ITGAD: variants seen among roughly 807,000 people sequenced by gnomAD.
ITGAD encodes the protein integrin alpha-D.
ITGAD carries 105 observed loss-of-function variants against 139.0 expected under a neutral mutation model. The observed-to-expected ratio is 0.76, with a 90% CI of 0.65 to 0.89. ITGAD has a LOEUF of 0.89. ITGAD is among the 40% of genes least tolerant of loss of function. ITGAD has a pLI of 0.00. For synonymous variants in ITGAD, 569 were observed against 598.3 expected (o/e 0.95, Z 0.71); for missense variants, 1,384 against 1,487.3 (o/e 0.93, Z 1.14).
chr16:31,417,018 C>A (rs1288270694), intron 20 of ITGAD, among the ~76,000 whole-genome samples: 1 of 103,292 alleles, frequency 9.7e-6, no homozygotes, highest in African/African-American at 3.7e-5. Flanking sequence ...CCCCTCCCTC[C>A]CTCCCTTACT....
intron 14 of ITGAD, among the ~76,000 whole-genome samples, chr16:31,411,826 C>T (rs187205277): frequency 3.3e-4 from 50 of 152,312 alleles, no homozygotes; most frequent in Admixed American, 6.5e-4. Flanking sequence ...TTCTATAAAA[C>T]GCAGAAATGA....
At position 31,426,139 on chromosome 16, in the gene ITGAD, T is replaced by C. The variant is rs2082111708; in HGVS notation, c.*11T>C. On this transcript the variant is annotated 3_prime_UTR_variant, in exon 30 of 30. Transcript: ENST00000389202. ...GTGCCTTTGTCCTAATAATCCACTT[T>C]CCTGTTTATCTCTACCACTGTGGGC... 6.5e-7 allele frequency: 1 copy of C among 1,539,896 alleles called. No homozygotes were observed. Among genetic ancestry groups the C allele is most frequent in the Non-Finnish European group, 9.0e-7 (1 of 1,113,790 alleles).
intron 23 of ITGAD, among the ~76,000 whole-genome samples, chr16:31,419,725 C>A (rs948507379): frequency 2.0e-5 from 3 of 148,694 alleles, no homozygotes; most frequent in Non-Finnish European, 4.4e-5. Context: ...GCAAGAGAAT[C>A]GCTTGAACTT....
intron 10 of ITGAD, 66 bp downstream of exon 10, chr16:31,408,564 G>T: frequency 2.1e-6 from 3 of 1,430,286 alleles, no homozygotes; most frequent in Admixed American, 1.7e-5. Flanking sequence ...CTGGGCTGGG[G>T]GCTGGGAGCC....
intron 20 of ITGAD, 145 bp from the exon 21 acceptor site, chr16:31,417,928 CAA>C (rs2081929365): frequency 1.5e-6 from 1 of 660,780 alleles, no homozygotes; most frequent in African/African-American, 2.0e-5. Context: ...GCCTGGGTGA[CAA>C]GAGTGAAATC....
intron 10 of ITGAD, among the ~76,000 whole-genome samples, chr16:31,409,343 AAAAAC>A (rs2081621499): frequency 6.8e-6 from 1 of 147,454 alleles, no homozygotes. Context: ...CAAAGCAAAA[AAAAAC>A]AAAAACAAAC....
At chr16:31,423,760 C>T in intron 26 of ITGAD, 85 bp from the exon 27 acceptor site, 1 of 1,537,472 alleles carries the variant, frequency 6.5e-7, no homozygotes. Flanking sequence ...CTCATCTGTT[C>T]CCCACCCCAA....
Position 31,407,908 on chromosome 16 carries a change from C to G in ITGAD, c.1001C>G (p.Ala334Gly). ...AAGCAGCTGCAGGAGAAGATCTATG[C>G]AGTTGAGGGTAAATGGAAGCAAGGG... is the stretch of plus-strand genomic sequence containing the variant. Reference protein sequence around the residue: ...IQKQLQEKIYAVEGTQSRASS... With the variant: ...IQKQLQEKIYGVEGTQSRASS... The change falls in exon 9 of 30, where the codon GCA becomes GGA. Residue 334 changes from alanine (A) to glycine (G), a missense_variant. Ala to Gly is a moderately conservative substitution (Grantham distance 60). Transcript: ENST00000389202. 6.3e-7 allele frequency: 1 copy of G among 1,589,098 alleles called. No homozygotes were observed. The highest frequency in any genetic ancestry group is 8.6e-7 in the Non-Finnish European group (1 of 1,160,378).
chr16:31,398,676 G>T (rs1051354301), intron 5 of ITGAD, among the ~76,000 whole-genome samples: 1 of 152,024 alleles, frequency 6.6e-6, no homozygotes, highest in African/African-American at 2.4e-5. Context: ...TAGAGATGGG[G>T]GTCTTGCTAT....
In ITGAD at chr16:31,407,755, C is replaced by G. The variant is rs769339170; in HGVS notation, c.859-11C>G. Reference sequence around the variant, plus strand: ...CTGGGCTCATCCTCCTCGGCTGTCTCTCTGCTGCAGGTGGGACACGCTTTC... The same window carrying G: ...CTGGGCTCATCCTCCTCGGCTGTCTGTCTGCTGCAGGTGGGACACGCTTTC... On this transcript the variant is annotated splice_polypyrimidine_tract_variant and intron_variant, in intron 8 of 29. Coordinates refer to ENST00000389202, the MANE Select transcript of ITGAD (RefSeq NM_005353.3). 4.2e-5 allele frequency: 67 copies of G among 1,613,732 alleles called. No individual in the cohort carries two copies. Among genetic ancestry groups the G allele is most frequent in the South Asian group, 2.9e-4 (26 of 91,060 alleles).
At chr16:31,412,380 T>G (rs1222051358) in intron 14 of ITGAD, among the ~76,000 whole-genome samples, 1 of 152,176 alleles carries the variant, frequency 6.6e-6, no homozygotes. Flanking sequence ...CATCTCTCCT[T>G]TCCAATTTCT....
rs748009374 is a variant in ITGAD at position 31,412,825 on chromosome 16, C to G, written c.1708-13C>G. 4 of 1,613,536 alleles carry G rather than the reference C, an allele frequency of 2.5e-6. No homozygotes were observed. Among genetic ancestry groups the G allele is most frequent in the South Asian group, 1.1e-5 (1 of 91,056 alleles). On this transcript the variant is annotated splice_polypyrimidine_tract_variant and intron_variant, in intron 14 of 29. Transcript: ENST00000389202. ...ATCTTCCAGCCTGATTCACCCTTTT[C>G]TCTTCTGGCCAGCGGATTGCCAGCT...
At chr16:31,423,013 CCT>C in intron 23 of ITGAD, 99 bp from the exon 24 acceptor site, 1 of 914,442 alleles carries the variant, frequency 1.1e-6, no homozygotes, top group Non-Finnish European at 1.8e-6. Flanking sequence ...TCGTTATTTC[CCT>C]GAGACATCTG....
intron 12 of ITGAD, 93 bp from the exon 13 acceptor site, chr16:31,410,983 G>A: frequency 1.3e-6 from 2 of 1,599,382 alleles, no homozygotes; most frequent in South Asian, 1.1e-5. Flanking sequence ...GGGGCCTTGG[G>A]AGAGGTCCTG....
At chr16:31,421,508 A>C (rs2082005955) in intron 23 of ITGAD, among the ~76,000 whole-genome samples, 2 of 152,026 alleles carry the variant, frequency 1.3e-5, no homozygotes, top group African/African-American at 2.4e-5. Flanking sequence ...TTTAAAAATG[A>C]AAAGAGGTTT....
rs201296084 is a variant in ITGAD, at chr16:31,397,906, C to T, written c.424C>T (p.Pro142Ser). The change falls in exon 5 of 30, where the codon CCA becomes TCA. Residue 142 changes from proline to serine, a missense_variant. Transcript: ENST00000389202. ...CATCCAGACAGTCCCCGACGCCACGCCAGGTAGGTCCCTGGCAGGCCATGG... is the reference window on the plus strand; with the variant it reads ...CATCCAGACAGTCCCCGACGCCACGTCAGGTAGGTCCCTGGCAGGCCATGG... The part of the protein sequence containing the change: ...EIIQTVPDAT[P>S]ECPHQEMDIV... 36 of 1,609,216 alleles carry T rather than the reference C, an allele frequency of 2.2e-5. No homozygotes were observed. The East Asian group carries it at 4.9e-4, about 22-fold the overall frequency.
chr16:31,413,016 C>G (rs563502066), intron 15 of ITGAD, 48 bp downstream of exon 15: 3 of 1,602,970 alleles, frequency 1.9e-6, no homozygotes, highest in Admixed American at 1.7e-5. Context: ...TCTGATTCAC[C>G]GGTGCTGCCT....
intron 6 of ITGAD, 23 bp downstream of exon 6, chr16:31,402,268 TG>T: frequency 1.8e-5 from 4 of 221,602 alleles, no homozygotes; most frequent in Non-Finnish European, 3.0e-5. Flanking sequence ...CACCTGGGGC[TG>T]GGGTTTGGGG....
At position 31,423,399 on chromosome 16, in the gene ITGAD, G is replaced by A. The variant is rs1391624499; in HGVS notation, c.2907G>A (p.Trp969Ter). Residue 969 changes from tryptophan (W) to a stop codon, truncating the protein, a stop_gained, in exon 25 of 30, where the codon TGG becomes TGA. Coordinates refer to ENST00000389202, the MANE Select transcript of ITGAD (RefSeq NM_005353.3). LOFTEE classifies it high-confidence loss of function. ...QRDLAISINF[W>*]VPVLLNGVAV... ...ATCTGGCCATCAGCATTAACTTCTG[G>A]GTTCCTGTCCTGCTGAACGGGGTGG... 1 of 1,614,118 alleles carries A rather than the reference G, an allele frequency of 6.2e-7. No homozygotes were observed. The highest frequency in any genetic ancestry group is 8.5e-7 in the Non-Finnish European group (1 of 1,180,022).
Sources: gnomAD v4.1 joint callset for allele counts (sites outside exome capture counted in the v4.1 genomes callset) on GRCh38, gnomAD v4.1.1 for gene constraint, MANE v1.5 for transcripts, NCBI Gene and HGNC (gene_info 2026-07-23, HGNC 2026-07-21) for gene names.